The following CACHD1 variants were observed in gnomAD, a reference collection of about 807,000 sequenced individuals.
The protein encoded by CACHD1 is cache domain containing 1, also known as VWFA and cache domain-containing protein 1.
Under a neutral mutation model 138.7 loss-of-function variants are expected in CACHD1, and 71 were observed. The observed-to-expected ratio is 0.51, with a 90% CI of 0.42 to 0.62. CACHD1 has a LOEUF of 0.62. CACHD1 is among the 20% of genes least tolerant of loss of function. The probability of loss-of-function intolerance (pLI) is 0.00; values close to 1 mark genes in which losing one functional copy is unlikely to be tolerated. For synonymous variants in CACHD1, 578 were observed against 591.5 expected, an observed-to-expected ratio of 0.98 and a Z score of 0.33; for missense variants, 1,389 against 1,625.3, an observed-to-expected ratio of 0.85 and a Z score of 2.50.
Position 64,642,534 on chromosome 1 carries a change from G to A in CACHD1, c.1156+565G>A, listed in dbSNP as rs185515123. Among the ~76,000 whole-genome samples the A allele has an allele frequency of 6.4e-4, 97 of 152,236 alleles. 1 individual carries two copies. Among genetic ancestry groups the A allele is most frequent in the African/African-American group, 2.0e-3 (84 of 41,546 alleles). ...TATTAAAATGGATTGTGCTGCTGTC[G>A]AATGACAGAATGTAAAAGGGTTTAG... On this transcript the variant is annotated intron_variant, in intron 8 of 26. Transcript: ENST00000651257.
Position 64,531,661 on chromosome 1 carries a change from A to T in CACHD1, c.199-18933A>T, listed in dbSNP as rs145691343. On this transcript the variant is annotated intron_variant, in intron 1 of 26. Coordinates refer to ENST00000651257, the MANE Select transcript of CACHD1 (RefSeq NM_020925.4). The stretch of plus-strand genomic sequence containing the variant: ...TGAAAGAACCAATATCTACCTACAG[A>T]TGTGTTTAGACTGATTCTCAGCTTA... Among the ~76,000 whole-genome samples, 352 of 152,300 alleles carry T rather than the reference A, an allele frequency of 2.3e-3. 2 individuals carry two copies. Among genetic ancestry groups the T allele is most frequent in the Non-Finnish European group, 3.7e-3 (250 of 68,032 alleles).
chr1:64,663,853 G>C lies in CACHD1; in HGVS notation c.2094+16G>C, dbSNP rs1649534756. ...GGGCCTCAAAGTAAGCATTGGCGCA[G>C]AGCTCCATTTCTGGTGTCCCCCTCC... is the stretch of plus-strand genomic sequence containing the variant. On this transcript the variant is annotated intron_variant, in intron 14 of 26. Transcript: ENST00000651257. 3.7e-6 allele frequency: 6 copies of C among 1,613,896 alleles called. No homozygotes were observed. Among genetic ancestry groups the C allele is most frequent in the Non-Finnish European group, 5.1e-6 (6 of 1,179,934 alleles).
intron 1 of CACHD1, among the ~76,000 whole-genome samples, chr1:64,549,234 T>A (rs537826215): frequency 4.6e-5 from 7 of 152,160 alleles, no homozygotes; most frequent in Non-Finnish European, 8.8e-5. Flanking sequence ...ATAAATGTAA[T>A]GTGCTTAGAA....
intron 4 of CACHD1, among the ~76,000 whole-genome samples, chr1:64,613,797 A>T (rs1237386179): frequency 2.0e-5 from 3 of 152,036 alleles, no homozygotes; most frequent in African/African-American, 7.2e-5. Flanking sequence ...TCACCTCACT[A>T]ATCATTATCT....
At chr1:64,680,400 A>G (rs1015914714) in intron 24 of CACHD1, among the ~76,000 whole-genome samples, 2 of 152,072 alleles carry the variant, frequency 1.3e-5, no homozygotes, top group African/African-American at 2.4e-5. Context: ...AGGCAGGAGA[A>G]TCGCTTGAAC....
intron 2 of CACHD1, among the ~76,000 whole-genome samples, chr1:64,567,262 G>A (rs753793602): frequency 6.6e-6 from 1 of 151,812 alleles, no homozygotes; most frequent in Non-Finnish European, 1.5e-5. Flanking sequence ...ATTTGTTCAT[G>A]CATTTGATAT....
intron 12 of CACHD1, among the ~76,000 whole-genome samples, chr1:64,657,796 TA>T (rs2100691876): frequency 6.6e-6 from 1 of 152,378 alleles, no homozygotes; most frequent in African/African-American, 2.4e-5. Flanking sequence ...CACCGTTCTT[TA>T]GTTCTGATTT....
intron 4 of CACHD1, among the ~76,000 whole-genome samples, chr1:64,626,220 G>A (rs1648095566): frequency 6.6e-6 from 1 of 152,222 alleles, no homozygotes; most frequent in Non-Finnish European, 1.5e-5. Context: ...GGCGGAGCCA[G>A]CACTAAAGTC....
chr1:64,657,546 G>C lies in CACHD1; in HGVS notation c.1783-1159G>C, dbSNP rs560058663. ...AGTAAATGCCACTTCAGAGCACCTT[G>C]TCAATTTATAATTTGGGGAATGGAG... On this transcript the variant is annotated intron_variant, in intron 12 of 26. Coordinates refer to ENST00000651257, the MANE Select transcript of CACHD1 (RefSeq NM_020925.4). Among the ~76,000 whole-genome samples, 7 of 152,276 alleles carry C rather than the reference G, an allele frequency of 4.6e-5. No individual in the cohort carries two copies. The South Asian group carries it at 1.5e-3, about 32-fold the overall frequency.
At chr1:64,690,046 C>T (rs1650497516) in intron 26 of CACHD1, among the ~76,000 whole-genome samples, 1 of 152,152 alleles carries the variant, frequency 6.6e-6, no homozygotes, top group South Asian at 2.1e-4. Flanking sequence ...TAATGGTCTC[C>T]AATAAATGAA....
intron 1 of CACHD1, among the ~76,000 whole-genome samples, chr1:64,485,634 G>C (rs1489187895): frequency 6.6e-6 from 1 of 152,158 alleles, no homozygotes; most frequent in African/African-American, 2.4e-5. Flanking sequence ...AGGCTGGAGT[G>C]CAGTAGCATG....
chr1:64,529,836 C>G (rs1333073579), intron 1 of CACHD1, among the ~76,000 whole-genome samples: 1 of 152,166 alleles, frequency 6.6e-6, no homozygotes, highest in Non-Finnish European at 1.5e-5. Flanking sequence ...TCAATTCATT[C>G]CCCTGCTCTA....
chr1:64,515,872 G>A (rs1397241059), intron 1 of CACHD1, among the ~76,000 whole-genome samples: 1 of 152,056 alleles, frequency 6.6e-6, no homozygotes, highest in Non-Finnish European at 1.5e-5. Context: ...ATTGGGAAGG[G>A]CATTGACTTG....
At chr1:64,511,717 T>G (rs1195097110) in intron 1 of CACHD1, among the ~76,000 whole-genome samples, 2 of 152,172 alleles carry the variant, frequency 1.3e-5, no homozygotes, top group Non-Finnish European at 2.9e-5. Flanking sequence ...AGGATTTCCT[T>G]TGGCTCCAAG....
chr1:64,639,611 AG>A (rs1380450258), intron 7 of CACHD1, among the ~76,000 whole-genome samples: 1 of 152,262 alleles, frequency 6.6e-6, no homozygotes, highest in East Asian at 1.9e-4. Context: ...AACTCAGTTC[AG>A]TTATCTATGA....
chr1:64,472,277 T>C (rs1646150364), intron 1 of CACHD1, among the ~76,000 whole-genome samples: 2 of 152,100 alleles, frequency 1.3e-5, no homozygotes, highest in South Asian at 2.1e-4. Flanking sequence ...TCCTCCTCTT[T>C]CTTTTCTTTT....
At chr1:64,679,060 G>T (rs943431618) in intron 23 of CACHD1, among the ~76,000 whole-genome samples, 2 of 152,152 alleles carry the variant, frequency 1.3e-5, no homozygotes, top group African/African-American at 4.8e-5. Context: ...GCTGAACTAG[G>T]TGAGGGTACA....
At chr1:64,677,828 A>G (rs1650047312) in intron 22 of CACHD1, among the ~76,000 whole-genome samples, 2 of 151,734 alleles carry the variant, frequency 1.3e-5, no homozygotes, top group South Asian at 2.1e-4. Flanking sequence ...CACTTGGGGG[A>G]TGTTAAGCCA....
At chr1:64,506,891 G>A (rs1025519511) in intron 1 of CACHD1, among the ~76,000 whole-genome samples, 2 of 152,148 alleles carry the variant, frequency 1.3e-5, no homozygotes, top group African/African-American at 4.8e-5. Context: ...CATGTTTTTT[G>A]GAACAGTTAG....
Sources: gnomAD v4.1 joint callset for allele counts (sites outside exome capture counted in the v4.1 genomes callset) on GRCh38, gnomAD v4.1.1 for gene constraint, MANE v1.5 for transcripts, NCBI Gene and HGNC (gene_info 2026-07-23, HGNC 2026-07-21) for gene names.